SPATS2L: variants seen among roughly 807,000 people sequenced by gnomAD.
SPATS2L encodes spermatogenesis associated serine rich 2 like, also known as SPATS2-like protein.
SPATS2L carries 30 observed loss-of-function variants against 59.6 expected under a neutral mutation model. That is an observed-to-expected ratio of 0.50 (90% confidence interval 0.38 to 0.68). SPATS2L has a LOEUF of 0.68. SPATS2L is among the 30% of genes least tolerant of loss of function. SPATS2L has a pLI of 0.00. For missense variants in SPATS2L, 615 were observed against 700.0 expected (o/e 0.88, Z 1.37); for synonymous variants, 252 against 263.5 (o/e 0.96, Z 0.42).
At chr2:200,308,114 A>T (rs2079086480) in intron 1 of SPATS2L, among the ~76,000 whole-genome samples, 1 of 152,108 alleles carries the variant, frequency 6.6e-6, no homozygotes, top group South Asian at 2.1e-4. Context: ...CCTTTTTAAC[A>T]TCGTTTTAGT....
intron 5 of SPATS2L, among the ~76,000 whole-genome samples, chr2:200,417,942 C>T (rs920185518): frequency 6.6e-6 from 1 of 152,132 alleles, no homozygotes; most frequent in African/African-American, 2.4e-5. Flanking sequence ...GTTGAGTACA[C>T]TGAGTATCAA....
At chr2:200,323,307 G>C (rs1375356610) in intron 1 of SPATS2L, among the ~76,000 whole-genome samples, 2 of 152,150 alleles carry the variant, frequency 1.3e-5, no homozygotes, top group Admixed American at 6.6e-5. Flanking sequence ...TGGAGGGTCA[G>C]ATGTATTGAG....
At chr2:200,458,298 AAG>A (rs1351171203) in intron 8 of SPATS2L, among the ~76,000 whole-genome samples, 6 of 152,234 alleles carry the variant, frequency 3.9e-5, no homozygotes, top group Admixed American at 3.9e-4. Flanking sequence ...GATCATAAAA[AAG>A]AGAGATGTCT....
At chr2:200,453,992 C>G (rs896128917) in intron 8 of SPATS2L, among the ~76,000 whole-genome samples, 1 of 152,114 alleles carries the variant, frequency 6.6e-6, no homozygotes, top group Non-Finnish European at 1.5e-5. Context: ...GCCTGCCTCC[C>G]TCCCCATGCT....
chr2:200,468,776 A>G (rs2086811113), intron 10 of SPATS2L, among the ~76,000 whole-genome samples: 1 of 152,248 alleles, frequency 6.6e-6, no homozygotes, highest in Non-Finnish European at 1.5e-5. Context: ...CCCCTCAGAA[A>G]GAAATTCACA....
At chr2:200,380,204 T>C (rs2081757467) in intron 2 of SPATS2L, among the ~76,000 whole-genome samples, 1 of 152,188 alleles carries the variant, frequency 6.6e-6, no homozygotes, top group African/African-American at 2.4e-5. Context: ...CCTTTGCTCT[T>C]TTGTGCCCAT....
intron 3 of SPATS2L, chr2:200,390,999 A>G (rs1401628842): frequency 1.3e-5 from 2 of 152,112 alleles, no homozygotes; most frequent in African/African-American, 4.8e-5. Context: ...TGTCTCTACT[A>G]AAAATACAAA....
intron 11 of SPATS2L, among the ~76,000 whole-genome samples, chr2:200,472,269 T>C (rs2087109354): frequency 6.6e-6 from 1 of 152,104 alleles, no homozygotes; most frequent in African/African-American, 2.4e-5. Flanking sequence ...CCTGGCCCTG[T>C]GTTTGGGGGA....
intron 2 of SPATS2L, among the ~76,000 whole-genome samples, chr2:200,365,233 T>C (rs761747514): frequency 3.3e-5 from 5 of 152,244 alleles, no homozygotes; most frequent in Non-Finnish European, 5.9e-5. Flanking sequence ...ACAAAATCAC[T>C]GCGAAATACA....
intron 8 of SPATS2L, among the ~76,000 whole-genome samples, chr2:200,448,239 A>C (rs1361846582): frequency 6.6e-6 from 1 of 152,100 alleles, no homozygotes; most frequent in Non-Finnish European, 1.5e-5. Context: ...GTCAGGAGTT[A>C]GAGACCAGCC....
chr2:200,306,868 CGCCCCCGG>C lies in SPATS2L; in HGVS notation c.-121_-114del. 1.0e-6 allele frequency: 1 copy of C among 980,924 alleles called. No individual in the cohort carries two copies. The highest frequency in any genetic ancestry group is 1.2e-6 in the Non-Finnish European group (1 of 828,170). 60.8% of individuals were successfully genotyped at this position (980,924 alleles called of 1,614,324 possible). A position where few individuals can be genotyped will look rare whatever the true frequency, so the allele number is the denominator to read the frequency against. ...GCCGCGGCGCCTCCCCTGGCGACCGCGCCCCCGGGCCCCGGCTCCGGCCCGGGACGGAG... is the reference window on the plus strand; with the variant it reads ...GCCGCGGCGCCTCCCCTGGCGACCGCGCCCCGGCTCCGGCCCGGGACGGAG... On this transcript the variant is annotated 5_prime_UTR_variant, in exon 1 of 13. Coordinates refer to ENST00000409140, the MANE Select transcript of SPATS2L (RefSeq NM_001100423.2).
chr2:200,353,019 T>C (rs1398879875), intron 2 of SPATS2L, among the ~76,000 whole-genome samples: 1 of 152,212 alleles, frequency 6.6e-6, no homozygotes, highest in Non-Finnish European at 1.5e-5. Context: ...GCATGTACTT[T>C]CTTTAAAAGG....
chr2:200,386,150 A>T (rs1574347362), intron 2 of SPATS2L, among the ~76,000 whole-genome samples: 1 of 152,214 alleles, frequency 6.6e-6, no homozygotes, highest in South Asian at 2.1e-4. Flanking sequence ...GGGTATTGGA[A>T]CCCACCTGGA....
At chr2:200,396,033 A>AAAATATAT (rs1553520464) in intron 3 of SPATS2L, among the ~76,000 whole-genome samples, 4 of 21,136 alleles carry the variant, frequency 1.9e-4, no homozygotes, top group Non-Finnish European at 3.6e-4. Context: ...AAAAAAAAAA[A>AAAATATAT]ATATATATAT....
chr2:200,316,493 G>A (rs1421312569), intron 1 of SPATS2L, among the ~76,000 whole-genome samples: 1 of 152,192 alleles, frequency 6.6e-6, no homozygotes, highest in African/African-American at 2.4e-5. Flanking sequence ...GACCAGTTTA[G>A]GCCCTTTCCA....
At chr2:200,430,273 T>C (rs553658806) in intron 6 of SPATS2L, among the ~76,000 whole-genome samples, 1 of 152,266 alleles carries the variant, frequency 6.6e-6, no homozygotes, top group Admixed American at 6.5e-5. Flanking sequence ...TGGAGAAGTG[T>C]AGGTTAATTA....
At chr2:200,467,733 G>C (rs2086697246) in intron 10 of SPATS2L, among the ~76,000 whole-genome samples, 1 of 152,156 alleles carries the variant, frequency 6.6e-6, no homozygotes, top group Admixed American at 6.5e-5. Context: ...TTGTATGTAT[G>C]CATATAAACA....
chr2:200,360,873 G>C (rs1048706147), intron 2 of SPATS2L, among the ~76,000 whole-genome samples: 1 of 151,618 alleles, frequency 6.6e-6, no homozygotes, highest in Non-Finnish European at 1.5e-5. Flanking sequence ...ACTGAGGCCT[G>C]AGGCTTGATG....
chr2:200,359,091 GTTAC>G (rs1246407633), intron 2 of SPATS2L, among the ~76,000 whole-genome samples: 4 of 152,114 alleles, frequency 2.6e-5, no homozygotes, highest in Non-Finnish European at 4.4e-5. Context: ...TCACACTGTT[GTTAC>G]TTACTCTAGC....
Sources: allele counts gnomAD v4.1 joint callset (sites outside exome capture counted in the v4.1 genomes callset), GRCh38; gene constraint gnomAD v4.1.1; transcripts MANE v1.5; gene names NCBI Gene and HGNC (gene_info 2026-07-23, HGNC 2026-07-21).